The following KLF12 variants were observed in gnomAD, a reference collection of about 807,000 sequenced individuals.
KLF12 encodes KLF transcription factor 12.
KLF12 carries 9 observed loss-of-function variants against 37.8 expected under a neutral mutation model. The observed-to-expected ratio is 0.24, with a 90% CI of 0.14 to 0.42. The LOEUF (loss-of-function observed/expected upper bound fraction) is 0.42, where lower values mean the gene tolerates loss of function less well. KLF12 is among the 10% of genes least tolerant of loss of function. KLF12 has a pLI of 1.00. For missense variants in KLF12, 411 were observed against 516.0 expected (o/e 0.80, Z 1.97); for synonymous variants, 208 against 202.1 (o/e 1.03, Z -0.25).
chr13:74,156,775 C>A, the KLF12 span, among the ~76,000 whole-genome samples: 3 of 152,176 alleles, frequency 2.0e-5, no homozygotes, highest in Non-Finnish European at 4.4e-5. Flanking sequence ...ATCTCCAGTT[C>A]CACCCATGTT....
chr13:73,712,099 G>A (rs1566312273), intron 7 of KLF12, among the ~76,000 whole-genome samples: 2 of 152,168 alleles, frequency 1.3e-5, no homozygotes, highest in Non-Finnish European at 2.9e-5. Context: ...AGCACTTTGG[G>A]AGGCTGAGGT....
chr13:74,151,378 C>T, the KLF12 span, among the ~76,000 whole-genome samples: 9 of 152,274 alleles, frequency 5.9e-5, no homozygotes, highest in East Asian at 5.8e-4. Context: ...AGGCCGGGCA[C>T]GGTAGCTCAC....
At chr13:73,993,917 A>G (rs893647676) in intron 2 of KLF12, among the ~76,000 whole-genome samples, 2 of 152,200 alleles carry the variant, frequency 1.3e-5, no homozygotes, top group Admixed American at 6.5e-5. Flanking sequence ...CCACATGCAA[A>G]TAAGTCCACA....
At chr13:73,862,599 A>C (rs1415570201) in intron 3 of KLF12, among the ~76,000 whole-genome samples, 2 of 149,810 alleles carry the variant, frequency 1.3e-5, no homozygotes, top group Non-Finnish European at 3.0e-5. Context: ...TTTTAAGACG[A>C]CTATGTTTCG....
chr13:74,088,393 A>G (rs1241949882), intron 1 of KLF12, among the ~76,000 whole-genome samples: 1 of 151,800 alleles, frequency 6.6e-6, no homozygotes, highest in African/African-American at 2.4e-5. Flanking sequence ...ATGCCTGGCT[A>G]GTTTTTATAT....
chr13:74,204,399 T>C, the KLF12 span, among the ~76,000 whole-genome samples: 15 of 152,184 alleles, frequency 9.9e-5, no homozygotes, highest in Admixed American at 8.5e-4. Context: ...ACCCCAATAA[T>C]ATACATTAGA....
the KLF12 span, among the ~76,000 whole-genome samples, chr13:74,283,105 T>A: frequency 6.6e-6 from 1 of 152,180 alleles, no homozygotes; most frequent in Admixed American, 6.5e-5. Flanking sequence ...AATATGCACA[T>A]GAGTTTCCAA....
intron 1 of KLF12, among the ~76,000 whole-genome samples, chr13:74,101,279 A>T (rs1876327000): frequency 6.6e-6 from 1 of 152,176 alleles, no homozygotes; most frequent in East Asian, 1.9e-4. Flanking sequence ...TGAAGAGGGT[A>T]TTCAAGCACT....
the KLF12 span, among the ~76,000 whole-genome samples, chr13:74,284,648 T>G: frequency 6.6e-6 from 1 of 152,162 alleles, no homozygotes; most frequent in Non-Finnish European, 1.5e-5. Context: ...CATGGCTCCC[T>G]GACAAAATGA....
At chr13:74,116,818 A>G (rs903266220) in intron 1 of KLF12, among the ~76,000 whole-genome samples, 4 of 152,204 alleles carry the variant, frequency 2.6e-5, no homozygotes, top group Non-Finnish European at 4.4e-5. Flanking sequence ...TTATAAAATA[A>G]TGCTGGCAAT....
the KLF12 span, among the ~76,000 whole-genome samples, chr13:74,235,459 A>C: frequency 6.6e-6 from 1 of 152,220 alleles, no homozygotes; most frequent in East Asian, 1.9e-4. Context: ...AAGTGATTGA[A>C]TATCTCAATT....
chr13:74,033,338 A>G (rs139239700), intron 1 of KLF12, among the ~76,000 whole-genome samples: 118 of 152,336 alleles, frequency 7.7e-4, no homozygotes, highest in African/African-American at 2.6e-3. Flanking sequence ...CAAATTCTGA[A>G]GCTGATCCTT....
intron 1 of KLF12, among the ~76,000 whole-genome samples, chr13:74,038,068 A>G (rs1056246350): frequency 1.3e-5 from 2 of 152,232 alleles, no homozygotes; most frequent in African/African-American, 4.8e-5. Flanking sequence ...TAGAACTGAT[A>G]CAAAGGACAC....
At chr13:74,262,139 T>C in the KLF12 span, among the ~76,000 whole-genome samples, 1 of 152,140 alleles carries the variant, frequency 6.6e-6, no homozygotes, top group Admixed American at 6.5e-5. Flanking sequence ...TAGAGTATCA[T>C]GGCTGATGGT....
At chr13:73,781,126 C>A (rs1880939014) in intron 5 of KLF12, among the ~76,000 whole-genome samples, 1 of 152,142 alleles carries the variant, frequency 6.6e-6, no homozygotes, top group South Asian at 2.1e-4. Context: ...GAGGGTCTTG[C>A]CTCCAGCAAA....
At chr13:74,102,403 A>C (rs566537606) in intron 1 of KLF12, among the ~76,000 whole-genome samples, 1 of 151,376 alleles carries the variant, frequency 6.6e-6, no homozygotes, top group East Asian at 2.0e-4. Flanking sequence ...GATGATCAAA[A>C]ATTAACATCA....
chr13:74,128,803 G>A (rs894795220), intron 1 of KLF12, among the ~76,000 whole-genome samples: 2 of 152,064 alleles, frequency 1.3e-5, no homozygotes, highest in African/African-American at 4.8e-5. Flanking sequence ...ACTAAAGATA[G>A]AATTTTTTTT....
chr13:74,040,705 G>A (rs1241451520), intron 1 of KLF12, among the ~76,000 whole-genome samples: 1 of 152,158 alleles, frequency 6.6e-6, no homozygotes, highest in Non-Finnish European at 1.5e-5. Context: ...CATCCCCTCT[G>A]CTTAAATACA....
chr13:74,054,580 A>G (rs567671320), intron 1 of KLF12, among the ~76,000 whole-genome samples: 89 of 152,332 alleles, frequency 5.8e-4, no homozygotes, highest in African/African-American at 1.9e-3. Flanking sequence ...ACAAATGAAA[A>G]AACAACTCAA....
Sources: gnomAD v4.1 joint callset for allele counts (sites outside exome capture counted in the v4.1 genomes callset) on GRCh38, gnomAD v4.1.1 for gene constraint, MANE v1.5 for transcripts, NCBI Gene and HGNC (gene_info 2026-07-23, HGNC 2026-07-21) for gene names.